SATB2: variants seen among roughly 807,000 people sequenced by gnomAD.
The protein encoded by SATB2 is DNA-binding protein SATB2.
Under a neutral mutation model 73.4 loss-of-function variants are expected in SATB2, and 1 was observed. The ratio of observed to expected loss-of-function variants is 0.01; its 90% CI spans 0.00 to 0.06. SATB2 has a LOEUF of 0.06. Ranked by LOEUF, SATB2 falls within the 10% of genes least tolerant of loss-of-function variation. SATB2 has a pLI of 1.00. For missense variants in SATB2, 459 were observed against 945.8 expected (o/e 0.49, Z 6.75); for synonymous variants, 397 against 367.0 (o/e 1.08, Z -0.93).
intron 3 of SATB2, among the ~76,000 whole-genome samples, chr2:199,404,303 T>C (rs916763909): frequency 3.3e-5 from 5 of 152,238 alleles, no homozygotes; most frequent in African/African-American, 1.2e-4. Flanking sequence ...GTTCTCTCTG[T>C]AGAGTGCCTA....
chr2:199,271,345 C>T lies in SATB2; in HGVS notation c.*866G>A, dbSNP rs977548653. The T allele has an allele frequency of 4.6e-5, 7 of 152,680 alleles. No individual in the cohort carries two copies. The highest frequency in any genetic ancestry group is 1.4e-4 in the African/African-American group (6 of 41,424). The allele number at this position is 152,680 out of a possible 1,614,324, so 9.5% of individuals were successfully genotyped here. ...TCCACAGAAATGCATCTGTTCACTA[C>T]AGTAATGACAAATTGAATAACGGAA... On this transcript the variant is annotated 3_prime_UTR_variant, in exon 11 of 11. Transcript: ENST00000417098.
At chr2:199,284,971 A>C (rs1692642397) in intron 10 of SATB2, among the ~76,000 whole-genome samples, 1 of 152,122 alleles carries the variant, frequency 6.6e-6, no homozygotes, top group Non-Finnish European at 1.5e-5. Flanking sequence ...ATACTACACC[A>C]TTTTACATAA....
At chr2:199,329,091 A>G (rs993122049) in intron 7 of SATB2, 181 bp from the exon 8 acceptor site, 1 of 660,448 alleles carries the variant, frequency 1.5e-6, no homozygotes, top group African/African-American at 1.8e-5. Flanking sequence ...TCCGGGGGAT[A>G]TGCATTATTT....
chr2:199,448,524 G>A (rs989032284), intron 2 of SATB2, among the ~76,000 whole-genome samples: 6 of 152,148 alleles, frequency 3.9e-5, no homozygotes, highest in African/African-American at 1.4e-4. Context: ...TGTGGTTAAC[G>A]TGATGAAATT....
At chr2:199,426,590 C>T (rs1691335757) in intron 3 of SATB2, among the ~76,000 whole-genome samples, 3 of 151,668 alleles carry the variant, frequency 2.0e-5, no homozygotes, top group African/African-American at 4.8e-5. Flanking sequence ...AGCCACCACG[C>T]CTGAACCATT....
chr2:199,412,725 A>AAAAAAAC lies in SATB2; in HGVS notation c.346+20606_346+20612dup, dbSNP rs548705901. Among the ~76,000 whole-genome samples, 41 of 152,278 alleles carry AAAAAAAC rather than the reference A, an allele frequency of 2.7e-4. No homozygotes were observed. In the East Asian group the frequency reaches 6.6e-3, roughly 24 times the overall value. ...TGATTTGAGAAGGAAATCAGGTAAA[A>AAAAAAAC]AAAAAACAAAAAACAAAAAACAAAC... On this transcript the variant is annotated intron_variant, in intron 3 of 10. Transcript: ENST00000417098.
In SATB2 at chr2:199,272,637, C is replaced by T. The variant is rs375553887; in HGVS notation, c.1776G>A (p.Glu592=). The T allele has an allele frequency of 5.4e-5, 87 of 1,613,996 alleles. 1 individual carries two copies. Among genetic ancestry groups the T allele is most frequent in the Non-Finnish European group, 5.4e-5 (64 of 1,180,022 alleles). ...GCGCTTCTTCTCTGGGAGGGGAACT[C>T]TCCTTGGCTGGCTGAGACTGCTGTC... The part of the protein sequence containing the change: ...LHRQQSQPAK[E]SSPPREEAPP... The change falls in exon 11 of 11, where the codon GAG becomes GAA. Residue 592 remains glutamate (E), a synonymous_variant. Coordinates refer to ENST00000417098, the MANE Select transcript of SATB2 (RefSeq NM_001172509.2). The surrounding 1 kb of genome is among the most constrained non-coding windows in gnomAD (Gnocchi z 6.7).
chr2:199,370,233 A>G (rs1574555945), intron 5 of SATB2, among the ~76,000 whole-genome samples: 1 of 150,560 alleles, frequency 6.6e-6, no homozygotes, highest in Non-Finnish European at 1.5e-5. Flanking sequence ...GAGGACAGTG[A>G]CTATGTCTGT....
At position 199,456,083 on chromosome 2, in the gene SATB2, A is replaced by G; in HGVS notation, c.-46T>C. 1 of 1,356,014 alleles carries G rather than the reference A, an allele frequency of 7.4e-7. No individual in the cohort carries two copies. The highest frequency in any genetic ancestry group is 9.8e-7 in the Non-Finnish European group (1 of 1,022,908). The allele number at this position is 1,356,014 out of a possible 1,614,324, so 84.0% of individuals were successfully genotyped here. A position where few individuals can be genotyped will look rare whatever the true frequency, so the allele number is the denominator to read the frequency against. The stretch of plus-strand genomic sequence containing the variant: ...AAGTTCCCACCGGCAGGTCGCAATA[A>G]AACGCACAGGGACCTAGGGAGGGGG... On this transcript the variant is annotated 5_prime_UTR_variant, in exon 2 of 11. Transcript: ENST00000417098.
chr2:199,359,301 C>T (rs1689071371), intron 6 of SATB2, among the ~76,000 whole-genome samples: 1 of 152,112 alleles, frequency 6.6e-6, no homozygotes, highest in Non-Finnish European at 1.5e-5. Context: ...CTGTGAAAAC[C>T]TCAAAGGCAT....
At chr2:199,468,310 C>CTT (rs112603431), upstream of SATB2, 6,312 of 144,414 alleles carry the variant, frequency 0.044, 471 homozygotes, top group African/African-American at 0.15. Context: ...CTTCCTCTTC[C>CTT]TTTTTTTTTT....
intron 3 of SATB2, among the ~76,000 whole-genome samples, chr2:199,406,709 T>C (rs1230377474): frequency 6.6e-6 from 1 of 152,002 alleles, no homozygotes; most frequent in Non-Finnish European, 1.5e-5. Context: ...TTCTGAAAGG[T>C]ACAATAAGGG....
intron 7 of SATB2, among the ~76,000 whole-genome samples, chr2:199,334,421 A>G (rs1384933098): frequency 1.3e-5 from 2 of 152,196 alleles, no homozygotes; most frequent in African/African-American, 4.8e-5. Context: ...GTCATAACCA[A>G]TTAGTAAAGT....
chr2:199,378,945 T>A (rs776838621), intron 5 of SATB2, among the ~76,000 whole-genome samples: 3 of 152,180 alleles, frequency 2.0e-5, no homozygotes, highest in Non-Finnish European at 4.4e-5. Flanking sequence ...AGCCTTCCTA[T>A]CTTCCAGAGA....
upstream of SATB2, among the ~76,000 whole-genome samples, chr2:199,459,349 C>G (rs1692407457): frequency 6.6e-6 from 1 of 152,090 alleles, no homozygotes. The surrounding 1 kb of genome is among the most constrained non-coding windows in gnomAD (Gnocchi z 4.2). Context: ...CAGCCCGACT[C>G]CGGCCGCGGT....
intron 7 of SATB2, among the ~76,000 whole-genome samples, chr2:199,342,272 T>C (rs1418503520): frequency 1.3e-5 from 2 of 152,052 alleles, no homozygotes; most frequent in Non-Finnish European, 2.9e-5. Flanking sequence ...CAGGTTAAAG[T>C]GCTTAGAAAT....
chr2:199,408,184 G>C (rs1283092289), intron 3 of SATB2, among the ~76,000 whole-genome samples: 1 of 152,090 alleles, frequency 6.6e-6, no homozygotes, highest in Non-Finnish European at 1.5e-5. Flanking sequence ...CCAATGATTT[G>C]GGTGAAGACG....
chr2:199,358,817 C>CAT (rs764986146), intron 6 of SATB2, among the ~76,000 whole-genome samples: 82 of 152,182 alleles, frequency 5.4e-4, no homozygotes, highest in Non-Finnish European at 9.1e-4. Context: ...TCCTAGGACC[C>CAT]ATTATGTTCC....
At chr2:199,274,396 G>A (rs1407529607) in intron 10 of SATB2, among the ~76,000 whole-genome samples, 1 of 152,054 alleles carries the variant, frequency 6.6e-6, no homozygotes, top group Non-Finnish European at 1.5e-5. Context: ...TGGTCTTGAA[G>A]GCCATATGAT....
Sources: gnomAD v4.1 joint callset for allele counts (sites outside exome capture counted in the v4.1 genomes callset) on GRCh38, gnomAD v4.1.1 for gene constraint, Gnocchi (gnomAD v3.1) non-coding constraint, MANE v1.5 for transcripts, NCBI Gene and HGNC (gene_info 2026-07-23, HGNC 2026-07-21) for gene names.